ASIC1: variants seen among roughly 807,000 people sequenced by gnomAD.
ASIC1 encodes the protein acid sensing ion channel subunit 1, also known as acid-sensing ion channel 1.
A neutral mutation model predicts 63.4 loss-of-function variants in ASIC1; 21 were observed. The observed-to-expected ratio is 0.33, with a 90% CI of 0.23 to 0.48. The LOEUF is 0.48. Ranked by LOEUF, ASIC1 falls within the 20% of genes least tolerant of loss-of-function variation. The probability of loss-of-function intolerance (pLI) is 0.99; values close to 1 mark genes in which losing one functional copy is unlikely to be tolerated. For synonymous variants in ASIC1, 258 were observed against 278.2 expected (o/e 0.93, Z 0.72); for missense variants, 478 against 695.5 (o/e 0.69, Z 3.52).
intron 3 of ASIC1, among the ~76,000 whole-genome samples, chr12:50,073,405 C>T (rs1950618758): frequency 6.6e-6 from 1 of 152,232 alleles, no homozygotes; most frequent in African/African-American, 2.4e-5. Context: ...CCATGCCCCG[C>T]CCCAGCCACA....
At position 50,081,839 on chromosome 12, in the gene ASIC1, T is replaced by G; in HGVS notation, c.*190T>G. On this transcript the variant is annotated 3_prime_UTR_variant, in exon 12 of 12. Coordinates refer to ENST00000447966, the MANE Select transcript of ASIC1 (RefSeq NM_001095.4). ...TGCCTCTATCCCATTCTTTTTACATTTAACAAAACTAATCTAAAAAAGAAC... is the reference window on the plus strand; with the variant it reads ...TGCCTCTATCCCATTCTTTTTACATGTAACAAAACTAATCTAAAAAAGAAC... 1 of 591,232 alleles carries G rather than the reference T, an allele frequency of 1.7e-6. No homozygotes were observed. The highest frequency in any genetic ancestry group is 3.0e-6 in the Non-Finnish European group (1 of 336,700). 36.6% of individuals were successfully genotyped at this position (591,232 alleles called of 1,614,324 possible). A position where few individuals can be genotyped will look rare whatever the true frequency, so the allele number is the denominator to read the frequency against.
At chr12:50,068,922 A>G (rs1437332982) in intron 3 of ASIC1, among the ~76,000 whole-genome samples, 1 of 151,958 alleles carries the variant, frequency 6.6e-6, no homozygotes, top group African/African-American at 2.4e-5. Flanking sequence ...CAGCCCTTCT[A>G]TATCCTTCAC....
Position 50,079,933 on chromosome 12 carries a change from C to T in ASIC1, c.1083C>T (p.Cys361=), listed in dbSNP as rs1199072843. ...DFLVEKDQEY[C]VCEMPCNLTR... is the part of the protein sequence containing the mutation. ...TGGTGGAGAAGGACCAGGAGTACTG[C>T]GTGTGTGAAATGCCTTGCAACCTGA... The change falls in exon 8 of 12, where the codon TGC becomes TGT. Residue 361 remains cysteine, a synonymous_variant. Coordinates refer to ENST00000447966, the MANE Select transcript of ASIC1 (RefSeq NM_001095.4). The T allele has an allele frequency of 9.9e-6, 16 of 1,612,836 alleles. No homozygotes were observed. Among genetic ancestry groups the T allele is most frequent in the Non-Finnish European group, 1.3e-5 (15 of 1,179,394 alleles).
At chr12:50,064,887 A>G (rs1292211362) in intron 3 of ASIC1, among the ~76,000 whole-genome samples, 1 of 152,184 alleles carries the variant, frequency 6.6e-6, no homozygotes, top group Non-Finnish European at 1.5e-5. Flanking sequence ...TGCCACTTCC[A>G]TGTGCCAGGT....
In ASIC1 at chr12:50,058,912, G is replaced by T; in HGVS notation, c.146G>T (p.Cys49Phe). The T allele has an allele frequency of 5.6e-6, 9 of 1,614,152 alleles. No homozygotes were observed. Among genetic ancestry groups the T allele is most frequent in the Non-Finnish European group, 7.6e-6 (9 of 1,180,016 alleles). The change falls in exon 2 of 12, where the codon TGC (cysteine) becomes TTC (phenylalanine). Residue 49 changes from cysteine to phenylalanine, a missense_variant. By Grantham distance (205) the Cys-to-Phe change is radical. Around this residue, in one of 3 missense-constraint regions of ASIC1, gnomAD observed 290 missense variants for 414.9 expected, o/e 0.70. Transcript: ENST00000447966. ...CTGAAGCGGGCACTGTGGGCCCTGT[G>T]CTTCCTGGGCTCCCTGGCTGTGCTG... ...LSLKRALWAL[C>F]FLGSLAVLLC...
chr12:50,073,616 TCTC>T, intron 3 of ASIC1: 1 of 1,534,008 alleles, frequency 6.5e-7, no homozygotes, highest in Non-Finnish European at 8.7e-7. Flanking sequence ...TCCATGTCAT[TCTC>T]CTCTGGAGAG....
rs1274685083 is a variant in ASIC1, at chr12:50,080,533, T to C, written c.1241T>C (p.Val414Ala). The change falls in exon 9 of 12, where the codon GTC (valine) becomes GCC (alanine). Residue 414 changes from valine (V) to alanine (A), a missense_variant. Physicochemically the swap from Val to Ala is moderately conservative, Grantham distance 64 (BLOSUM62 0). Around this residue, in one of 3 missense-constraint regions of ASIC1, gnomAD observed 84 missense variants for 183.5 expected, o/e 0.46. Transcript: ENST00000447966. ...CTGGTGCTGGACATTTTCTTTGAAGTCCTCAACTATGAGACCATTGAACAG... is the reference window on the plus strand; with the variant it reads ...CTGGTGCTGGACATTTTCTTTGAAGCCCTCAACTATGAGACCATTGAACAG... The part of the protein sequence containing the change: ...NILVLDIFFE[V>A]LNYETIEQKK... 1 of 1,614,036 alleles carries C rather than the reference T, an allele frequency of 6.2e-7. No individual in the cohort carries two copies. The highest frequency in any genetic ancestry group is 8.5e-7 in the Non-Finnish European group (1 of 1,180,020).
In ASIC1 at chr12:50,079,930, C is replaced by T; in HGVS notation, c.1080C>T (p.Tyr360=). 1 of 1,612,782 alleles carries T rather than the reference C, an allele frequency of 6.2e-7. No homozygotes were observed. Residue 360 remains tyrosine, a synonymous_variant, in exon 8 of 12, where the codon TAC becomes TAT. Transcript: ENST00000447966. ...TCCTGGTGGAGAAGGACCAGGAGTA[C>T]TGCGTGTGTGAAATGCCTTGCAACC... ...LDFLVEKDQE[Y]CVCEMPCNLT... is the part of the protein sequence containing the mutation.
At chr12:50,067,600 G>A (rs757547257) in intron 3 of ASIC1, among the ~76,000 whole-genome samples, 4 of 152,008 alleles carry the variant, frequency 2.6e-5, no homozygotes, top group East Asian at 3.9e-4. Flanking sequence ...TGTATTTTTC[G>A]TAGAGACGGG....
chr12:50,071,266 C>CTT lies in ASIC1; in HGVS notation c.559-5930_559-5929dup, dbSNP rs34556615. 2.3e-3 allele frequency among the ~76,000 whole-genome samples: 281 copies of CTT among 119,778 alleles called. 7 individuals are homozygous for CTT. Among genetic ancestry groups the CTT allele is most frequent in the Middle Eastern group, 9.3e-3 (2 of 216 alleles). The allele number at this position is 119,778 out of a possible 152,430, so 78.6% of individuals were successfully genotyped here. A position where few individuals can be genotyped will look rare whatever the true frequency, so the allele number is the denominator to read the frequency against. On this transcript the variant is annotated intron_variant, in intron 3 of 11. Transcript: ENST00000447966. The stretch of plus-strand genomic sequence containing the variant: ...GAGGTGGAGGGTACATTGCTTTCAG[C>CTT]TTTTTTTTTTTTTTTTTTGAGACGG...
At chr12:50,080,882 AT>A in intron 9 of ASIC1, 1 of 856,330 alleles carries the variant, frequency 1.2e-6, no homozygotes, top group Non-Finnish European at 1.8e-6. Context: ...GTAAACGATT[AT>A]TTTTCTTGAA....
intron 8 of ASIC1, 48 bp from the exon 9 acceptor site, chr12:50,080,450 A>C: frequency 6.4e-7 from 1 of 1,571,496 alleles, no homozygotes; most frequent in Non-Finnish European, 8.7e-7. Flanking sequence ...TTAGTAAGAG[A>C]TAGAGATATG....
intron 3 of ASIC1, among the ~76,000 whole-genome samples, chr12:50,064,393 A>G (rs2137814544): frequency 6.6e-6 from 1 of 152,116 alleles, no homozygotes; most frequent in African/African-American, 2.4e-5. Flanking sequence ...ATACACACAA[A>G]CATCCTTCAG....
Position 50,078,185 on chromosome 12 carries a change from T to G in ASIC1, c.837+58T>G, listed in dbSNP as rs76800307. On this transcript the variant is annotated intron_variant, in intron 5 of 11. Coordinates refer to ENST00000447966, the MANE Select transcript of ASIC1 (RefSeq NM_001095.4). This position sits in a 1 kb window ranked among gnomAD's most constrained non-coding sequence, Gnocchi z 6.0. ...GGGGTATTGAGGGGTCCAGATGGAG[T>G]GGTGGGCAATCAGTAATGGGAAGGA... The G allele has an allele frequency of 0.038, 60,544 of 1,572,890 alleles. 1,337 individuals are homozygous for G. Among genetic ancestry groups the G allele is most frequent in the Middle Eastern group, 0.081 (476 of 5,854 alleles).
chr12:50,060,623 C>T (rs570776949), intron 3 of ASIC1, among the ~76,000 whole-genome samples: 1 of 152,344 alleles, frequency 6.6e-6, no homozygotes, highest in South Asian at 2.1e-4. Flanking sequence ...CATCGGGACA[C>T]CCAGTCATGG....
rs754000632 is a variant in ASIC1, at chr12:50,059,139, C to T, written c.362+11C>T. On this transcript the variant is annotated intron_variant, in intron 2 of 11. Coordinates refer to ENST00000447966, the MANE Select transcript of ASIC1 (RefSeq NM_001095.4). This position sits in a 1 kb window ranked among gnomAD's most constrained non-coding sequence, Gnocchi z 4.6. ...CCTGCTCAACAACAGGTGGGTGGCT[C>T]CCACCCTCCCTCAGCCCTGCTCCTG... 1.2e-6 allele frequency: 2 copies of T among 1,610,668 alleles called. No individual in the cohort carries two copies. The highest frequency in any genetic ancestry group is 8.5e-7 in the Non-Finnish European group (1 of 1,178,606).
At chr12:50,063,110 GTGT>G (rs1222555654) in intron 3 of ASIC1, among the ~76,000 whole-genome samples, 1 of 152,192 alleles carries the variant, frequency 6.6e-6, no homozygotes, top group Non-Finnish European at 1.5e-5. Flanking sequence ...CTGGTAGGGT[GTGT>G]TGTTGCCAAG....
At chr12:50,077,422 G>T in intron 4 of ASIC1, 59 bp downstream of exon 4, 1 of 1,602,978 alleles carries the variant, frequency 6.2e-7, no homozygotes, top group Non-Finnish European at 8.5e-7. Context: ...CTCTGCCAGG[G>T]GATTCCTGGG....
In ASIC1 at chr12:50,081,107, A is replaced by G; in HGVS notation, c.1303A>G (p.Ile435Val). ...CCTGGCGCCTGCCCCCGCAGGTGAC[A>G]TCGGGGGCCAGATGGGGCTGTTCAT... ...AYEIAGLLGD[I>V]GGQMGLFIGA... The change falls in exon 10 of 12, where the codon ATC (isoleucine) becomes GTC (valine). Residue 435 changes from isoleucine to valine, a missense_variant. Transcript: ENST00000447966. 1 of 1,605,356 alleles carries G rather than the reference A, an allele frequency of 6.2e-7. No individual in the cohort carries two copies. The highest frequency in any genetic ancestry group is 8.5e-7 in the Non-Finnish European group (1 of 1,176,572).
Sources: allele counts gnomAD v4.1 joint callset (sites outside exome capture counted in the v4.1 genomes callset), GRCh38; gene constraint gnomAD v4.1.1; regional missense constraint gnomAD v4.1.1; non-coding constraint Gnocchi (gnomAD v3.1); transcripts MANE v1.5; gene names NCBI Gene and HGNC (gene_info 2026-07-23, HGNC 2026-07-21).